Variants in ME1 observed in about 807,000 individuals in gnomAD.
The protein encoded by ME1 is NADP-dependent malic enzyme.
A neutral mutation model predicts 66.4 loss-of-function variants in ME1; 74 were observed. The ratio of observed to expected loss-of-function variants is 1.11; its 90% CI spans 0.92 to 1.35. The LOEUF (loss-of-function observed/expected upper bound fraction) is 1.35, where lower values mean the gene tolerates loss of function less well. ME1 is among the 40% of genes most tolerant of loss of function. The pLI is 0.00. For synonymous variants in ME1, 251 were observed against 235.6 expected (o/e 1.07, Z -0.60); for missense variants, 750 against 694.1 (o/e 1.08, Z -0.90).
rs139584069 is a variant in ME1 at position 83,389,855 on chromosome 6, A to C, written c.362+8512T>G. On this transcript the variant is annotated intron_variant, in intron 3 of 13. Coordinates refer to ENST00000369705, the MANE Select transcript of ME1 (RefSeq NM_002395.6). ...AAACTAACCACAATTAGGCACACTG[A>C]CATAAGCAGATTGCACTACCAAATA... 1.3e-4 allele frequency among the ~76,000 whole-genome samples: 20 copies of C among 152,308 alleles called. No individual in the cohort carries two copies. In the East Asian group the frequency reaches 3.5e-3, roughly 26 times the overall value.
chr6:83,221,616 G>A (rs909461962), intron 12 of ME1, among the ~76,000 whole-genome samples: 1 of 152,112 alleles, frequency 6.6e-6, no homozygotes, highest in African/African-American at 2.4e-5. Context: ...GGACACAGTA[G>A]GGCATGTCTG....
In ME1 at chr6:83,421,263, G is replaced by A. The variant is rs3757010; in HGVS notation, c.78+9614C>T. On this transcript the variant is annotated intron_variant, in intron 1 of 13. Coordinates refer to ENST00000369705, the MANE Select transcript of ME1 (RefSeq NM_002395.6). The stretch of plus-strand genomic sequence containing the variant: ...TAATATTGATTGGTATAGCAACTAT[G>A]TACCCAGTAAAAAGGGAAAAAATGT... Among the ~76,000 whole-genome samples the A allele has an allele frequency of 9.0e-3, 1,373 of 152,246 alleles. 63 individuals are homozygous for A. In the East Asian group the frequency reaches 0.13, roughly 15 times the overall value.
At chr6:83,221,599 T>C (rs929482567) in intron 12 of ME1, among the ~76,000 whole-genome samples, 1 of 152,102 alleles carries the variant, frequency 6.6e-6, no homozygotes, top group Non-Finnish European at 1.5e-5. Context: ...CATAATGTTG[T>C]GTTTAAGGAC....
intron 6 of ME1, among the ~76,000 whole-genome samples, chr6:83,264,752 C>G (rs1355064974): frequency 6.6e-6 from 1 of 152,170 alleles, no homozygotes; most frequent in African/African-American, 2.4e-5. Flanking sequence ...CATTATAAAA[C>G]CTGAATGGCT....
At position 83,361,316 on chromosome 6, in the gene ME1, C is replaced by T. The variant is rs1031213595; in HGVS notation, c.363-9177G>A. Among the ~76,000 whole-genome samples the T allele has an allele frequency of 2.0e-5, 3 of 152,188 alleles. No individual in the cohort carries two copies. In the East Asian group the frequency reaches 5.8e-4, roughly 29 times the overall value. On this transcript the variant is annotated intron_variant, in intron 3 of 13. Coordinates refer to ENST00000369705, the MANE Select transcript of ME1 (RefSeq NM_002395.6). ...AAGGATAAGTTGCTGCATTTGGCCC[C>T]TCCTACAACCAAGAAAAAGGCACAA...
rs117236795 is a variant in ME1, at chr6:83,368,193, A to T, written c.363-16054T>A. ...AGAATAATTACAATACTAACATCAA[A>T]GATCTGATTACAGATATAAGATCAC... On this transcript the variant is annotated intron_variant, in intron 3 of 13. Transcript: ENST00000369705. Among the ~76,000 whole-genome samples, 1,226 of 152,092 alleles carry T rather than the reference A, an allele frequency of 8.1e-3. 9 individuals carry two copies. The highest frequency in any genetic ancestry group is 0.011 in the Non-Finnish European group (775 of 67,994).
At chr6:83,413,467 A>T (rs144707082) in intron 1 of ME1, among the ~76,000 whole-genome samples, 3 of 152,208 alleles carry the variant, frequency 2.0e-5, no homozygotes, top group African/African-American at 7.2e-5. Context: ...ATAATATAGT[A>T]GATCTATCTT....
intron 2 of ME1, among the ~76,000 whole-genome samples, chr6:83,403,458 G>A (rs1769873947): frequency 6.6e-6 from 1 of 152,174 alleles, no homozygotes; most frequent in African/African-American, 2.4e-5. Flanking sequence ...GAGGGAAAGG[G>A]AAAGGCAGCT....
chr6:83,358,448 A>C (rs1768943135), intron 3 of ME1, among the ~76,000 whole-genome samples: 1 of 152,166 alleles, frequency 6.6e-6, no homozygotes, highest in South Asian at 2.1e-4. Context: ...TGAGCCTCAA[A>C]TCTGCTAAGA....
intron 3 of ME1, among the ~76,000 whole-genome samples, chr6:83,359,493 A>T (rs1768965307): frequency 6.6e-6 from 1 of 152,216 alleles, no homozygotes; most frequent in South Asian, 2.1e-4. Flanking sequence ...ATTTGGGGCC[A>T]CTAAATAGGA....
intron 6 of ME1, among the ~76,000 whole-genome samples, chr6:83,309,675 G>A (rs1767894561): frequency 2.6e-5 from 4 of 152,044 alleles, no homozygotes; most frequent in Admixed American, 2.6e-4. Context: ...TAAAGATTTG[G>A]GAGTCACAAA....
At position 83,237,730 on chromosome 6, in the gene ME1, C is replaced by G; in HGVS notation, c.1013G>C (p.Gly338Ala). The G allele has an allele frequency of 6.3e-7, 1 of 1,585,244 alleles. No individual in the cohort carries two copies. Among genetic ancestry groups the G allele is most frequent in the Non-Finnish European group, 8.6e-7 (1 of 1,159,686 alleles). Reference protein sequence around the residue: ...IKKIWLVDSKGLIVKGRASLT... With the variant: ...IKKIWLVDSKALIVKGRASLT... ...ACAAATTCTTACCTTAACTATTAAT[C>G]CTTTTGAATCAACCAGCCATATCTT... Residue 338 changes from glycine (G) to alanine (A), a missense_variant, in exon 9 of 14, where the codon GGA becomes GCA. Physicochemically the swap from Gly to Ala is moderately conservative, Grantham distance 60 (BLOSUM62 0). Coordinates refer to ENST00000369705, the MANE Select transcript of ME1 (RefSeq NM_002395.6).
chr6:83,213,641 A>G (rs1789941150), intron 13 of ME1, among the ~76,000 whole-genome samples: 1 of 152,084 alleles, frequency 6.6e-6, no homozygotes, highest in Non-Finnish European at 1.5e-5. Flanking sequence ...TGCTGGGATT[A>G]CAGGTGTGAG....
chr6:83,278,805 G>C (rs1383528295), intron 6 of ME1, among the ~76,000 whole-genome samples: 1 of 151,970 alleles, frequency 6.6e-6, no homozygotes, highest in Non-Finnish European at 1.5e-5. Context: ...CTTCTTAATA[G>C]GACTTACCCT....
At chr6:83,404,928 A>G (rs1458465632) in intron 2 of ME1, among the ~76,000 whole-genome samples, 1 of 152,218 alleles carries the variant, frequency 6.6e-6, no homozygotes, top group African/African-American at 2.4e-5. Flanking sequence ...TATAGTTTGA[A>G]GTCAGGTAGC....
intron 6 of ME1, among the ~76,000 whole-genome samples, chr6:83,305,286 G>A (rs1767803309): frequency 6.6e-6 from 1 of 152,052 alleles, no homozygotes; most frequent in African/African-American, 2.4e-5. Flanking sequence ...TCTTCTAGTG[G>A]AAGAAACACA....
At chr6:83,237,930 T>C (rs1172738787) in intron 8 of ME1, 100 bp from the exon 9 acceptor site, 6 of 572,178 alleles carry the variant, frequency 1.0e-5, no homozygotes, top group African/African-American at 7.7e-5. Context: ...GAACAAAATA[T>C]TTTTGTCACA....
intron 3 of ME1, among the ~76,000 whole-genome samples, chr6:83,357,897 A>G (rs1404184065): frequency 1.4e-5 from 1 of 73,880 alleles, no homozygotes; most frequent in Non-Finnish European, 2.5e-5. Context: ...TACTTAATAA[A>G]CTCCCCTCTC....
At chr6:83,289,414 G>T (rs991223524) in intron 6 of ME1, among the ~76,000 whole-genome samples, 1 of 152,114 alleles carries the variant, frequency 6.6e-6, no homozygotes, top group East Asian at 1.9e-4. Flanking sequence ...TAATCATGTG[G>T]TTTTTGTCAT....
Sources: allele counts gnomAD v4.1 joint callset (sites outside exome capture counted in the v4.1 genomes callset), GRCh38; gene constraint gnomAD v4.1.1; transcripts MANE v1.5; gene names NCBI Gene and HGNC (gene_info 2026-07-23, HGNC 2026-07-21).